Variants in SLC35F1 observed in about 807,000 individuals in gnomAD.
The protein encoded by SLC35F1 is solute carrier family 35 member F1, also known as chromosome 6 open reading frame 169.
Under a neutral mutation model 48.7 loss-of-function variants are expected in SLC35F1, and 14 were observed. The observed-to-expected ratio is 0.29, with a 90% CI of 0.19 to 0.45. The LOEUF (loss-of-function observed/expected upper bound fraction) is 0.45. SLC35F1 is among the 20% of genes least tolerant of loss of function. The pLI is 1.00. For synonymous variants in SLC35F1, 190 were observed against 202.2 expected (o/e 0.94, Z 0.51); for missense variants, 404 against 500.0 (o/e 0.81, Z 1.83).
intron 1 of SLC35F1, among the ~76,000 whole-genome samples, chr6:117,922,643 A>C (rs535970920): frequency 6.6e-6 from 1 of 152,332 alleles, no homozygotes; most frequent in Middle Eastern, 3.4e-3. Flanking sequence ...AATCACAGAG[A>C]AGGATGGGAG....
chr6:118,124,938 T>A (rs1362065826), intron 1 of SLC35F1, among the ~76,000 whole-genome samples: 1 of 152,180 alleles, frequency 6.6e-6, no homozygotes, highest in Non-Finnish European at 1.5e-5. Context: ...GCAAGATGAA[T>A]GAACAGTAAA....
chr6:118,272,742 TATATATAC>T (rs1775870565), intron 4 of SLC35F1, among the ~76,000 whole-genome samples: 1 of 98,490 alleles, frequency 1.0e-5, no homozygotes, highest in Non-Finnish European at 2.2e-5. Flanking sequence ...TGTGTGTATA[TATATATAC>T]ATATATATAT....
chr6:118,016,358 A>T (rs1328333456), intron 1 of SLC35F1, among the ~76,000 whole-genome samples: 1 of 152,196 alleles, frequency 6.6e-6, no homozygotes, highest in African/African-American at 2.4e-5. Context: ...TTACTGTTTC[A>T]TGCTGAATAC....
At chr6:118,209,181 T>C (rs967511863) in intron 2 of SLC35F1, among the ~76,000 whole-genome samples, 2 of 152,218 alleles carry the variant, frequency 1.3e-5, no homozygotes, top group African/African-American at 4.8e-5. Flanking sequence ...TGCCCTTTCT[T>C]CCTCAAACCT....
intron 3 of SLC35F1, among the ~76,000 whole-genome samples, chr6:118,238,699 C>T (rs1044395990): frequency 6.6e-6 from 1 of 152,036 alleles, no homozygotes; most frequent in Non-Finnish European, 1.5e-5. Flanking sequence ...CAATGAGAGA[C>T]AGAAAAGATG....
At chr6:118,132,732 G>GGAAT (rs1773733304) in intron 1 of SLC35F1, among the ~76,000 whole-genome samples, 2 of 152,210 alleles carry the variant, frequency 1.3e-5, no homozygotes, top group South Asian at 2.1e-4. Flanking sequence ...TTTCCCATAG[G>GGAAT]GAATGATTTG....
chr6:118,309,516 C>G (rs917891952), intron 7 of SLC35F1, among the ~76,000 whole-genome samples: 4 of 152,248 alleles, frequency 2.6e-5, no homozygotes, highest in African/African-American at 9.6e-5. Context: ...TAGGGATCAC[C>G]CATGTTCTCC....
chr6:118,256,108 C>T (rs1316699255), intron 3 of SLC35F1, among the ~76,000 whole-genome samples: 1 of 152,004 alleles, frequency 6.6e-6, no homozygotes, highest in Non-Finnish European at 1.5e-5. Context: ...AAATCCAGGC[C>T]ACAAAATTAA....
intron 3 of SLC35F1, among the ~76,000 whole-genome samples, chr6:118,235,937 T>TA (rs900398055): frequency 3.3e-5 from 5 of 152,048 alleles, no homozygotes; most frequent in Non-Finnish European, 7.4e-5. Flanking sequence ...ATTGACAATG[T>TA]AAAAAAAATT....
At chr6:118,152,432 G>A (rs1284529055) in intron 1 of SLC35F1, among the ~76,000 whole-genome samples, 2 of 152,202 alleles carry the variant, frequency 1.3e-5, no homozygotes, top group Non-Finnish European at 2.9e-5. Context: ...ACAGCCTCAT[G>A]TATTATTTCT....
chr6:118,178,163 TA>T (rs1774519979), intron 2 of SLC35F1, among the ~76,000 whole-genome samples: 1 of 152,052 alleles, frequency 6.6e-6, no homozygotes, highest in African/African-American at 2.4e-5. Context: ...CTGCACTAGA[TA>T]TCCACACCTC....
intron 2 of SLC35F1, among the ~76,000 whole-genome samples, chr6:118,223,999 A>C (rs1423786365): frequency 6.6e-6 from 1 of 152,210 alleles, no homozygotes; most frequent in East Asian, 1.9e-4. Flanking sequence ...ATGTCGGGAG[A>C]CATCAAAGCC....
chr6:117,958,212 A>C (rs1300043758), intron 1 of SLC35F1, among the ~76,000 whole-genome samples: 1 of 152,196 alleles, frequency 6.6e-6, no homozygotes, highest in Non-Finnish European at 1.5e-5. Flanking sequence ...AAATACAAAT[A>C]TTTTTGCATA....
chr6:118,147,125 G>T (rs2114454450), intron 1 of SLC35F1, among the ~76,000 whole-genome samples: 1 of 152,320 alleles, frequency 6.6e-6, no homozygotes, highest in African/African-American at 2.4e-5. Context: ...AACCTTGTGA[G>T]TCAGGGCCAT....
intron 1 of SLC35F1, among the ~76,000 whole-genome samples, chr6:117,938,782 C>T (rs1308010968): frequency 3.3e-5 from 5 of 152,154 alleles, no homozygotes; most frequent in African/African-American, 7.2e-5. Flanking sequence ...CTGGGATATA[C>T]GCACATCACA....
At chr6:118,229,690 G>T (rs1364919679) in intron 2 of SLC35F1, among the ~76,000 whole-genome samples, 1 of 152,234 alleles carries the variant, frequency 6.6e-6, no homozygotes, top group Non-Finnish European at 1.5e-5. Flanking sequence ...CTTGTCATCT[G>T]TATGTGGAGT....
At chr6:118,245,618 G>C (rs1488654606) in intron 3 of SLC35F1, among the ~76,000 whole-genome samples, 1 of 152,144 alleles carries the variant, frequency 6.6e-6, no homozygotes, top group Non-Finnish European at 1.5e-5. Flanking sequence ...GAATGCATTT[G>C]GTTTCCAACC....
rs537298858 is a variant in SLC35F1 at position 118,199,033 on chromosome 6, T to C, written c.350-36476T>C. Among the ~76,000 whole-genome samples, 9 of 152,336 alleles carry C rather than the reference T, an allele frequency of 5.9e-5. No individual in the cohort carries two copies. The South Asian group carries it at 1.9e-3, about 32-fold the overall frequency. On this transcript the variant is annotated intron_variant, in intron 2 of 7. Transcript: ENST00000360388. ...AAAGCTGCCCAGGGCAGATGGATTC[T>C]TATTTACACACACTCCATTTCTCAC... is the stretch of plus-strand genomic sequence containing the variant.
chr6:118,172,161 C>CA (rs146609294), intron 2 of SLC35F1, among the ~76,000 whole-genome samples: 5,675 of 138,580 alleles, frequency 0.041, 172 homozygotes, highest in Middle Eastern at 0.087. Context: ...AACCTCCATT[C>CA]AAAAAAAAAA....
Sources: allele counts gnomAD v4.1 joint callset (sites outside exome capture counted in the v4.1 genomes callset), GRCh38; gene constraint gnomAD v4.1.1; transcripts MANE v1.5; gene names NCBI Gene and HGNC (gene_info 2026-07-23, HGNC 2026-07-21).